Variants in SDK1 observed in about 807,000 individuals in gnomAD.
SDK1 encodes the protein sidekick cell adhesion molecule 1.
A neutral mutation model predicts 245.5 loss-of-function variants in SDK1; 157 were observed. That is an observed-to-expected ratio of 0.64 (90% confidence interval 0.56 to 0.73). The LOEUF (loss-of-function observed/expected upper bound fraction) is 0.73, where lower values mean the gene tolerates loss of function less well. SDK1 is among the 30% of genes least tolerant of loss of function. The probability of loss-of-function intolerance (pLI) is 0.00; values close to 1 mark genes in which losing one functional copy is unlikely to be tolerated. For synonymous variants in SDK1, 1,647 were observed against 1,278.5 expected, an observed-to-expected ratio of 1.29 and a Z score of -6.15; for missense variants, 3,583 against 3,002.3, an observed-to-expected ratio of 1.19 and a Z score of -4.52.
At chr7:3,499,109 T>G (rs1782114617) in intron 1 of SDK1, among the ~76,000 whole-genome samples, 1 of 152,240 alleles carries the variant, frequency 6.6e-6, no homozygotes, top group African/African-American at 2.4e-5. Context: ...CTACAACTCT[T>G]GATTTTAATG....
In SDK1 at chr7:3,353,386, C is replaced by A. The variant is rs116742674; in HGVS notation, c.298+51502C>A. On this transcript the variant is annotated intron_variant, in intron 1 of 44. Coordinates refer to ENST00000404826, the MANE Select transcript of SDK1 (RefSeq NM_152744.4). ...TGTACGTTTGGGTTTATAAAATATA[C>A]TGAACATAGGAACTCACATGACTCC... Among the ~76,000 whole-genome samples the A allele has an allele frequency of 1.3e-3, 193 of 152,198 alleles. 2 individuals carry two copies. Among genetic ancestry groups the A allele is most frequent in the African/African-American group, 4.5e-3 (187 of 41,522 alleles).
intron 35 of SDK1, among the ~76,000 whole-genome samples, chr7:4,198,948 A>C (rs901982454): frequency 1.3e-5 from 2 of 151,486 alleles, no homozygotes; most frequent in South Asian, 4.2e-4. Flanking sequence ...AGAGTAGCTG[A>C]AATTACAGGC....
Position 4,205,861 on chromosome 7 carries a change from G to T in SDK1, c.5099-18G>T. On this transcript the variant is annotated intron_variant, in intron 35 of 44. Transcript: ENST00000404826. ...TGAATGAACGTCTCAGCTTCTCTCCGCATTGCTCTTTCCTCAGCCCCGGCC... is the reference window on the plus strand; with the variant it reads ...TGAATGAACGTCTCAGCTTCTCTCCTCATTGCTCTTTCCTCAGCCCCGGCC... 10 of 1,542,182 alleles carry T rather than the reference G, an allele frequency of 6.5e-6. No homozygotes were observed. The highest frequency in any genetic ancestry group is 8.8e-6 in the Non-Finnish European group (10 of 1,138,752).
At chr7:3,943,457 G>A (rs1418946402) in intron 5 of SDK1, among the ~76,000 whole-genome samples, 1 of 16,162 alleles carries the variant, frequency 6.2e-5, no homozygotes, top group Non-Finnish European at 1.3e-4. Context: ...CTCCCTGCCT[G>A]GAAAGCTGTG....
intron 13 of SDK1, among the ~76,000 whole-genome samples, chr7:3,985,616 C>A (rs1008049877): frequency 6.6e-6 from 1 of 152,154 alleles, no homozygotes; most frequent in African/African-American, 2.4e-5. Flanking sequence ...TAGTGAGGCC[C>A]TGTCTATACA....
chr7:3,771,887 G>T (rs1043920645), intron 4 of SDK1, among the ~76,000 whole-genome samples: 1 of 152,142 alleles, frequency 6.6e-6, no homozygotes, highest in Non-Finnish European at 1.5e-5. Context: ...GAACTGAAAT[G>T]CTAATCCATT....
chr7:4,191,956 G>A (rs10235441), intron 35 of SDK1, among the ~76,000 whole-genome samples: 4,634 of 152,210 alleles, frequency 0.03, 215 homozygotes, highest in African/African-American at 0.097. Flanking sequence ...GGCAGTTTCC[G>A]ACCCCACCCC....
At chr7:3,584,401 T>C (rs1390811261) in intron 1 of SDK1, among the ~76,000 whole-genome samples, 4 of 152,106 alleles carry the variant, frequency 2.6e-5, no homozygotes, top group Non-Finnish European at 5.9e-5. Flanking sequence ...TTCTGGACCT[T>C]ATTCTGATTG....
chr7:4,101,150 T>A (rs1359390781), intron 22 of SDK1, among the ~76,000 whole-genome samples: 1 of 87,484 alleles, frequency 1.1e-5, no homozygotes, highest in Non-Finnish European at 2.4e-5. Context: ...GACACTTGCA[T>A]TTTTTTTTTT....
At chr7:3,872,134 T>A (rs1780971655) in intron 5 of SDK1, among the ~76,000 whole-genome samples, 1 of 152,226 alleles carries the variant, frequency 6.6e-6, no homozygotes, top group South Asian at 2.1e-4. Flanking sequence ...CTTGGATGAA[T>A]CCCAATTGGT....
At chr7:3,717,969 A>AC (rs1424762521) in intron 4 of SDK1, among the ~76,000 whole-genome samples, 1 of 152,074 alleles carries the variant, frequency 6.6e-6, no homozygotes, top group African/African-American at 2.4e-5. Context: ...TAAAAAAAAA[A>AC]AAAACTGTAA....
chr7:3,851,833 A>C (rs373038677), intron 5 of SDK1, among the ~76,000 whole-genome samples: 8 of 152,248 alleles, frequency 5.3e-5, no homozygotes, highest in African/African-American at 1.9e-4. Context: ...AAGAAAAATA[A>C]GATTTAAAGT....
chr7:4,242,510 C>G (rs1466023479), intron 43 of SDK1, among the ~76,000 whole-genome samples: 1 of 152,070 alleles, frequency 6.6e-6, no homozygotes, highest in African/African-American at 2.4e-5. Flanking sequence ...TTTTGATGTG[C>G]AGAGCGCCAT....
At chr7:3,414,125 G>C (rs1779293478) in intron 1 of SDK1, among the ~76,000 whole-genome samples, 1 of 152,148 alleles carries the variant, frequency 6.6e-6, no homozygotes, top group African/African-American at 2.4e-5. Context: ...AGGTGGAACT[G>C]TTAGGATTTG....
chr7:3,459,565 G>A (rs1780773487), intron 1 of SDK1, among the ~76,000 whole-genome samples: 1 of 152,180 alleles, frequency 6.6e-6, no homozygotes, highest in Admixed American at 6.5e-5. Flanking sequence ...AGAAGGAAGT[G>A]GGGAGGAGGA....
intron 1 of SDK1, among the ~76,000 whole-genome samples, chr7:3,511,180 A>T (rs555276166): frequency 6.6e-6 from 1 of 152,312 alleles, no homozygotes; most frequent in East Asian, 1.9e-4. Flanking sequence ...TGCTCACCAT[A>T]GTCTGTGTTA....
intron 1 of SDK1, among the ~76,000 whole-genome samples, chr7:3,310,795 T>C (rs1479373784): frequency 6.6e-6 from 1 of 152,196 alleles, no homozygotes; most frequent in Non-Finnish European, 1.5e-5. Flanking sequence ...TGGCATAAAA[T>C]AAAACAAAGT....
At chr7:3,986,808 C>T (rs535341115) in intron 13 of SDK1, among the ~76,000 whole-genome samples, 5 of 152,256 alleles carry the variant, frequency 3.3e-5, no homozygotes, top group East Asian at 3.9e-4. Flanking sequence ...TGCAGTGAGC[C>T]GAGCTTGCAT....
At chr7:3,655,497 A>ATGTATGTATG (rs1175341070) in intron 4 of SDK1, among the ~76,000 whole-genome samples, 1 of 64,136 alleles carries the variant, frequency 1.6e-5, no homozygotes, top group African/African-American at 4.5e-5. Context: ...ATATATATAT[A>ATGTATGTATG]TATATATGTA....
Sources: gnomAD v4.1 joint callset for allele counts (sites outside exome capture counted in the v4.1 genomes callset) on GRCh38, gnomAD v4.1.1 for gene constraint, MANE v1.5 for transcripts, NCBI Gene and HGNC (gene_info 2026-07-23, HGNC 2026-07-21) for gene names.